Variants in TASP1 observed in about 807,000 individuals in gnomAD.
The protein encoded by TASP1 is threonine aspartase 1.
In TASP1, 16 loss-of-function variants were observed where a neutral mutation model predicts 56.6. The observed-to-expected ratio is 0.28, with a 90% confidence interval of 0.19 to 0.43. TASP1 has a LOEUF of 0.43. TASP1 is among the 20% of genes least tolerant of loss of function. The probability of loss-of-function intolerance (pLI) is 1.00; values close to 1 mark genes in which losing one functional copy is unlikely to be tolerated. For missense variants in TASP1, 393 were observed against 511.6 expected (o/e 0.77, Z 2.24); for synonymous variants, 179 against 184.2 (o/e 0.97, Z 0.23).
the TASP1 span, among the ~76,000 whole-genome samples, chr20:13,250,347 T>A: frequency 6.6e-6 from 1 of 152,210 alleles, no homozygotes; most frequent in African/African-American, 2.4e-5. Context: ...TTGATAAGGC[T>A]CAGAGTCGAT....
the TASP1 span, among the ~76,000 whole-genome samples, chr20:13,250,203 G>A: frequency 6.6e-6 from 1 of 152,116 alleles, no homozygotes; most frequent in Non-Finnish European, 1.5e-5. Context: ...TTTCTGGGAT[G>A]GCCTAGGTTT....
chr20:13,607,578 G>T (rs2048202756), intron 4 of TASP1, among the ~76,000 whole-genome samples: 1 of 152,096 alleles, frequency 6.6e-6, no homozygotes, highest in South Asian at 2.1e-4. Flanking sequence ...ATTTATGTTT[G>T]TCCAATTTCC....
chr20:13,216,640 G>A, the TASP1 span, among the ~76,000 whole-genome samples: 5 of 152,136 alleles, frequency 3.3e-5, no homozygotes, highest in Non-Finnish European at 7.3e-5. Context: ...CCCCTAGTTA[G>A]GGTAATGAAA....
intron 13 of TASP1, among the ~76,000 whole-genome samples, chr20:13,394,316 A>AAAAAAG (rs1392118950): frequency 1.4e-5 from 2 of 147,830 alleles, no homozygotes; most frequent in Admixed American, 6.7e-5. Context: ...TCAAAAAAAA[A>AAAAAAG]AAAAAAAAAA....
chr20:13,482,399 C>A (rs188083924), intron 11 of TASP1, among the ~76,000 whole-genome samples: 4 of 151,996 alleles, frequency 2.6e-5, no homozygotes, highest in African/African-American at 9.7e-5. Context: ...GGGTCTTTTG[C>A]GAGTCCACAT....
At chr20:13,162,568 C>T in the TASP1 span, among the ~76,000 whole-genome samples, 10 of 152,070 alleles carry the variant, frequency 6.6e-5, no homozygotes, top group African/African-American at 2.4e-4. Flanking sequence ...GGCTCATAGA[C>T]TAGAAATAAT....
At chr20:13,323,626 C>T in the TASP1 span, among the ~76,000 whole-genome samples, 1 of 152,190 alleles carries the variant, frequency 6.6e-6, no homozygotes, top group Non-Finnish European at 1.5e-5. Flanking sequence ...TACCATACGA[C>T]TATAATTCTC....
chr20:13,115,008 G>A, the TASP1 span, among the ~76,000 whole-genome samples: 74 of 152,298 alleles, frequency 4.9e-4, 2 homozygotes, highest in East Asian at 1.4e-3. Flanking sequence ...AAATTAACTC[G>A]TGGAATTATC....
intron 11 of TASP1, among the ~76,000 whole-genome samples, chr20:13,465,085 C>A (rs932992923): frequency 6.7e-6 from 1 of 148,714 alleles, no homozygotes. Context: ...GTGGGAGGAT[C>A]GCTTAAGCCC....
At chr20:13,629,483 T>C (rs2049011843) in intron 2 of TASP1, among the ~76,000 whole-genome samples, 1 of 152,028 alleles carries the variant, frequency 6.6e-6, no homozygotes, top group Non-Finnish European at 1.5e-5. Flanking sequence ...TTTTATTTTA[T>C]TTTATTGAGA....
chr20:13,310,083 A>G, the TASP1 span, among the ~76,000 whole-genome samples: 1 of 152,202 alleles, frequency 6.6e-6, no homozygotes, highest in African/African-American at 2.4e-5. Context: ...AGAAACATAA[A>G]AAACAATTCC....
the TASP1 span, among the ~76,000 whole-genome samples, chr20:13,105,056 G>A: frequency 0.069 from 10,437 of 152,154 alleles, 382 homozygotes; most frequent in South Asian, 0.11. Context: ...TGAAACGGTA[G>A]AATCCCATAA....
the TASP1 span, among the ~76,000 whole-genome samples, chr20:13,191,139 G>A: frequency 2.0e-5 from 3 of 152,022 alleles, no homozygotes; most frequent in South Asian, 2.1e-4. Context: ...TACTGTTAGC[G>A]GGAATATAAG....
intron 8 of TASP1, among the ~76,000 whole-genome samples, chr20:13,553,389 C>A (rs543676431): frequency 1.3e-5 from 2 of 152,024 alleles, no homozygotes; most frequent in Admixed American, 6.6e-5. Context: ...TGTCTGTATA[C>A]CATAAAAATA....
At chr20:13,411,154 T>G (rs1036921417) in intron 13 of TASP1, among the ~76,000 whole-genome samples, 1 of 152,198 alleles carries the variant, frequency 6.6e-6, no homozygotes, top group Non-Finnish European at 1.5e-5. Flanking sequence ...TATGGATTTC[T>G]GGATTCTCTA....
the TASP1 span, among the ~76,000 whole-genome samples, chr20:13,151,449 TAAGA>T: frequency 2.0e-5 from 3 of 152,172 alleles, no homozygotes; most frequent in East Asian, 1.9e-4. Context: ...TCAGCATCCC[TAAGA>T]AAGAACAATA....
At chr20:13,370,374 T>C in the TASP1 span, among the ~76,000 whole-genome samples, 1 of 152,152 alleles carries the variant, frequency 6.6e-6, no homozygotes, top group African/African-American at 2.4e-5. Flanking sequence ...ATGAACTTTA[T>C]TGGTCTGGAA....
chr20:13,146,326 T>C, the TASP1 span, among the ~76,000 whole-genome samples: 3 of 152,102 alleles, frequency 2.0e-5, no homozygotes, highest in African/African-American at 4.8e-5. Context: ...ACTATTGTAC[T>C]GGGCTTAACA....
the TASP1 span, among the ~76,000 whole-genome samples, chr20:13,268,628 T>C: frequency 6.0e-4 from 92 of 152,310 alleles, 2 homozygotes; most frequent in South Asian, 0.014. Context: ...GGTCACTGCA[T>C]GTTTTAAAGA....
Sources: allele counts gnomAD v4.1 joint callset (sites outside exome capture counted in the v4.1 genomes callset), GRCh38; gene constraint gnomAD v4.1.1; transcripts MANE v1.5; gene names NCBI Gene and HGNC (gene_info 2026-07-23, HGNC 2026-07-21).